Variants in ITFG1 observed in about 807,000 individuals in gnomAD.
The protein encoded by ITFG1 is integrin alpha FG-GAP repeat containing 1, also known as T-cell immunomodulatory protein.
In ITFG1, 34 loss-of-function variants were observed where a neutral mutation model predicts 81.8. The observed-to-expected ratio is 0.42, with a 90% confidence interval of 0.32 to 0.55. The LOEUF (loss-of-function observed/expected upper bound fraction) is 0.55. Ranked by LOEUF, ITFG1 falls within the 20% of genes least tolerant of loss-of-function variation. The probability of loss-of-function intolerance (pLI) is 0.17; values close to 1 mark genes in which losing one functional copy is unlikely to be tolerated. For missense variants in ITFG1, 672 were observed against 755.4 expected, an observed-to-expected ratio of 0.89 and a Z score of 1.29; for synonymous variants, 285 against 270.6, an observed-to-expected ratio of 1.05 and a Z score of -0.52.
At chr16:47,379,868 GT>G (rs1245577930) in intron 6 of ITFG1, among the ~76,000 whole-genome samples, 2 of 151,904 alleles carry the variant, frequency 1.3e-5, no homozygotes, top group Non-Finnish European at 2.9e-5. Flanking sequence ...ACTAGTGGGG[GT>G]GTGATATTTT....
At chr16:47,392,517 G>A (rs1454588736) in intron 6 of ITFG1, among the ~76,000 whole-genome samples, 1 of 152,132 alleles carries the variant, frequency 6.6e-6, no homozygotes, top group Non-Finnish European at 1.5e-5. Flanking sequence ...CTATTGTAAG[G>A]ACTTGAGTTT....
At position 47,460,899 on chromosome 16, in the gene ITFG1, G is replaced by A; in HGVS notation, c.147C>T (p.Thr49=). The A allele has an allele frequency of 6.2e-7, 1 of 1,613,568 alleles. No homozygotes were observed. Among genetic ancestry groups the A allele is most frequent in the Non-Finnish European group, 8.5e-7 (1 of 1,180,000 alleles). ...AELFGAEAWG[T]LAAFGDLNSD... Reference sequence around the variant, plus strand: ...AGTTGAGGTCCCCGAAAGCCGCAAGGGTGCCCCAGGCCTCGGCCCCAAAGA... The same window carrying A: ...AGTTGAGGTCCCCGAAAGCCGCAAGAGTGCCCCAGGCCTCGGCCCCAAAGA... The change falls in exon 1 of 18, where the codon ACC becomes ACT. Residue 49 remains threonine (T), a synonymous_variant. Coordinates refer to ENST00000320640, the MANE Select transcript of ITFG1 (RefSeq NM_030790.5).
chr16:47,192,804 C>G (rs557585930), intron 14 of ITFG1, among the ~76,000 whole-genome samples: 1 of 152,340 alleles, frequency 6.6e-6, no homozygotes, highest in South Asian at 2.1e-4. Flanking sequence ...TCTACACACA[C>G]AGAAACACAA....
At chr16:47,439,066 A>T (rs1467016703) in intron 5 of ITFG1, among the ~76,000 whole-genome samples, 1 of 152,234 alleles carries the variant, frequency 6.6e-6, no homozygotes, top group African/African-American at 2.4e-5. Flanking sequence ...GATGCGATGA[A>T]CTGGAAGAAA....
chr16:47,454,054 T>C lies in ITFG1; in HGVS notation c.386A>G (p.Glu129Gly). 1 of 1,610,650 alleles carries C rather than the reference T, an allele frequency of 6.2e-7. No homozygotes were observed. Among genetic ancestry groups the C allele is most frequent in the Non-Finnish European group, 8.5e-7 (1 of 1,177,772 alleles). Residue 129 changes from glutamate to glycine, a missense_variant, in exon 3 of 18, where the codon GAA becomes GGA. Around this residue, in one of 3 missense-constraint regions of ITFG1, gnomAD observed 560 missense variants for 625.7 expected, o/e 0.90. Transcript: ENST00000320640. ...TCCCCAGAAGATAACAGCTCCTAATTCACTCTTGGCATAATTTTTGGGAAG... is the reference window on the plus strand; with the variant it reads ...TCCCCAGAAGATAACAGCTCCTAATCCACTCTTGGCATAATTTTTGGGAAG... Reference protein sequence around the residue: ...TYLPKNYAKSELGAVIFWGQN... With the variant: ...TYLPKNYAKSGLGAVIFWGQN...
chr16:47,178,093 G>A (rs190964014), intron 14 of ITFG1, among the ~76,000 whole-genome samples: 13 of 152,318 alleles, frequency 8.5e-5, no homozygotes, highest in African/African-American at 3.1e-4. Context: ...ATAGTCACCT[G>A]ACATTTAAGA....
chr16:47,307,093 CAAAAAAAAAAA>C (rs371103697), intron 10 of ITFG1, among the ~76,000 whole-genome samples: 34 of 16,472 alleles, frequency 2.1e-3, no homozygotes, highest in Admixed American at 6.4e-3. Flanking sequence ...AACTCCGTCT[CAAAAAAAAAAA>C]AAAAAAAAAA....
intron 10 of ITFG1, among the ~76,000 whole-genome samples, chr16:47,308,912 C>A (rs984018592): frequency 3.3e-5 from 5 of 152,028 alleles, no homozygotes; most frequent in Admixed American, 3.3e-4. Context: ...TTAAATATGT[C>A]AACATTTTGA....
intron 14 of ITFG1, among the ~76,000 whole-genome samples, chr16:47,198,267 AACG>A (rs879301554): frequency 2.6e-5 from 4 of 152,192 alleles, no homozygotes; most frequent in African/African-American, 7.2e-5. Flanking sequence ...TGCACTGTAT[AACG>A]ACATTTCAGT....
chr16:47,305,443 G>A (rs1173948363), intron 10 of ITFG1, among the ~76,000 whole-genome samples: 1 of 152,052 alleles, frequency 6.6e-6, no homozygotes, highest in Non-Finnish European at 1.5e-5. Flanking sequence ...GAGAGACAAG[G>A]AGGGCAGACC....
intron 10 of ITFG1, among the ~76,000 whole-genome samples, chr16:47,265,254 T>C (rs1483791488): frequency 6.6e-6 from 1 of 151,944 alleles, no homozygotes; most frequent in Admixed American, 6.5e-5. Flanking sequence ...TTTATGTCTA[T>C]ATTTTTCTTT....
chr16:47,211,744 C>A (rs1223239309), intron 14 of ITFG1, among the ~76,000 whole-genome samples: 1 of 152,038 alleles, frequency 6.6e-6, no homozygotes, highest in Non-Finnish European at 1.5e-5. Flanking sequence ...AGTGCTTTTT[C>A]GGCATCAGTT....
At chr16:47,455,629 C>T (rs1042653516) in intron 2 of ITFG1, among the ~76,000 whole-genome samples, 2 of 151,334 alleles carry the variant, frequency 1.3e-5, no homozygotes, top group Admixed American at 6.6e-5. Flanking sequence ...AGTAGCCAGG[C>T]GTGGTGGCGT....
At chr16:47,323,979 T>C (rs567592470) in intron 8 of ITFG1, among the ~76,000 whole-genome samples, 2 of 152,352 alleles carry the variant, frequency 1.3e-5, no homozygotes, top group South Asian at 2.1e-4. Context: ...TTAAATGTGC[T>C]ATGAAATTAT....
intron 8 of ITFG1, among the ~76,000 whole-genome samples, chr16:47,340,123 C>T (rs1029930879): frequency 6.6e-6 from 1 of 151,586 alleles, no homozygotes; most frequent in African/African-American, 2.4e-5. Flanking sequence ...CCTTCAAGAA[C>T]AAAGAAGAAA....
At chr16:47,325,437 T>G (rs958842342) in intron 8 of ITFG1, among the ~76,000 whole-genome samples, 1 of 151,986 alleles carries the variant, frequency 6.6e-6, no homozygotes, top group Non-Finnish European at 1.5e-5. Flanking sequence ...AGCAAACACA[T>G]TGAAAAGCTA....
intron 10 of ITFG1, among the ~76,000 whole-genome samples, chr16:47,287,794 A>G (rs1966875954): frequency 6.6e-6 from 1 of 152,220 alleles, no homozygotes; most frequent in East Asian, 1.9e-4. Context: ...AATGATGTTA[A>G]GCAAATTTTT....
intron 14 of ITFG1, among the ~76,000 whole-genome samples, chr16:47,203,535 C>T (rs1444589695): frequency 6.6e-6 from 1 of 152,170 alleles, no homozygotes; most frequent in East Asian, 1.9e-4. Flanking sequence ...TGATGGGAGA[C>T]AGTGACAGAT....
chr16:47,345,878 A>G (rs994413930), intron 8 of ITFG1, among the ~76,000 whole-genome samples: 5 of 152,226 alleles, frequency 3.3e-5, no homozygotes, highest in African/African-American at 1.2e-4. Flanking sequence ...CCAACATCGG[A>G]GCACCTAAAT....
Sources: gnomAD v4.1 joint callset for allele counts (sites outside exome capture counted in the v4.1 genomes callset) on GRCh38, gnomAD v4.1.1 for gene constraint, gnomAD v4.1.1 regional missense constraint, MANE v1.5 for transcripts, NCBI Gene and HGNC (gene_info 2026-07-23, HGNC 2026-07-21) for gene names.